The following SUPT3H variants were observed in gnomAD, a reference collection of about 807,000 sequenced individuals.
SUPT3H encodes the protein transcription initiation protein SPT3 homolog.
SUPT3H carries 44 observed loss-of-function variants against 44.3 expected under a neutral mutation model. The ratio of observed to expected loss-of-function variants is 0.99; its 90% CI spans 0.78 to 1.28. SUPT3H has a LOEUF of 1.28. Among genes scored for constraint, SUPT3H ranks in the 50% most tolerant of loss-of-function variants. The probability of loss-of-function intolerance (pLI) is 0.00; values close to 1 mark genes in which losing one functional copy is unlikely to be tolerated. For synonymous variants in SUPT3H, 124 were observed against 125.6 expected (o/e 0.99, Z 0.09); for missense variants, 380 against 387.1 (o/e 0.98, Z 0.15).
At chr6:45,183,105 T>A (rs1813573830) in intron 2 of SUPT3H, among the ~76,000 whole-genome samples, 1 of 152,218 alleles carries the variant, frequency 6.6e-6, no homozygotes. Context: ...ATAAACGAAA[T>A]GTGGTATATG....
At chr6:45,232,994 C>CG (rs2153641271) in intron 2 of SUPT3H, among the ~76,000 whole-genome samples, 1 of 152,230 alleles carries the variant, frequency 6.6e-6, no homozygotes, top group African/African-American at 2.4e-5. Flanking sequence ...ATAACTCTTA[C>CG]GGGGGGAAGA....
At chr6:45,248,896 A>G (rs1447979804) in intron 2 of SUPT3H, among the ~76,000 whole-genome samples, 1 of 150,020 alleles carries the variant, frequency 6.7e-6, no homozygotes, top group Admixed American at 6.7e-5. Flanking sequence ...GCCTGGTGAC[A>G]GAGCAAGACT....
At chr6:45,147,608 A>AC (rs1806289994) in intron 2 of SUPT3H, among the ~76,000 whole-genome samples, 1 of 152,024 alleles carries the variant, frequency 6.6e-6, no homozygotes, top group Non-Finnish European at 1.5e-5. Flanking sequence ...GACATTTCCA[A>AC]CAGCACAGAC....
At chr6:45,309,773 CAG>C in intron 2 of SUPT3H, among the ~76,000 whole-genome samples, 2 of 152,002 alleles carry the variant, frequency 1.3e-5, no homozygotes, top group Middle Eastern at 3.4e-3. Context: ...TCACATATAA[CAG>C]AGTTCAAATA....
intron 7 of SUPT3H, 130 bp downstream of exon 7, chr6:44,961,623 T>G: frequency 1.4e-6 from 1 of 693,490 alleles, no homozygotes; most frequent in East Asian, 2.7e-5. Context: ...AGACGTTGTT[T>G]GTATAGCACT....
chr6:45,179,352 G>T (rs1189748820), intron 2 of SUPT3H, among the ~76,000 whole-genome samples: 1 of 152,096 alleles, frequency 6.6e-6, no homozygotes, highest in Non-Finnish European at 1.5e-5. Flanking sequence ...AATAGAAAAA[G>T]AGGGAATCCT....
intron 2 of SUPT3H, among the ~76,000 whole-genome samples, chr6:45,126,569 A>G (rs1327797099): frequency 6.6e-6 from 1 of 152,196 alleles, no homozygotes; most frequent in Non-Finnish European, 1.5e-5. Context: ...AAAGTTCAGA[A>G]GGAATTTCCT....
At chr6:45,188,316 A>G (rs2153617147) in intron 2 of SUPT3H, among the ~76,000 whole-genome samples, 1 of 152,378 alleles carries the variant, frequency 6.6e-6, no homozygotes, top group South Asian at 2.1e-4. Context: ...ACGTATAGTA[A>G]GAACGAATCT....
intron 3 of SUPT3H, among the ~76,000 whole-genome samples, chr6:45,039,414 C>A (rs866532320): frequency 1.8e-4 from 28 of 152,002 alleles, no homozygotes; most frequent in South Asian, 4.1e-4. Context: ...ATTAAAAAAA[C>A]TGCTAGGATT....
At chr6:45,065,476 G>C (rs1044959217) in intron 3 of SUPT3H, among the ~76,000 whole-genome samples, 1 of 150,796 alleles carries the variant, frequency 6.6e-6, no homozygotes, top group Non-Finnish European at 1.5e-5. Context: ...AGAACTGAAG[G>C]AAATAGAGAC....
chr6:45,316,241 T>C (rs1169067815), intron 2 of SUPT3H, among the ~76,000 whole-genome samples: 1 of 152,032 alleles, frequency 6.6e-6, no homozygotes, highest in East Asian at 1.9e-4. Context: ...GCTCGGGTGA[T>C]GGGTGCACCA....
intron 2 of SUPT3H, among the ~76,000 whole-genome samples, chr6:45,233,366 G>C (rs1033780918): frequency 2.0e-5 from 3 of 152,210 alleles, no homozygotes; most frequent in African/African-American, 7.2e-5. Flanking sequence ...GCTCACGATG[G>C]TGCTCAGCTG....
intron 5 of SUPT3H, among the ~76,000 whole-genome samples, chr6:45,004,959 C>T (rs1298939759): frequency 1.3e-5 from 2 of 152,240 alleles, no homozygotes; most frequent in Non-Finnish European, 2.9e-5. Context: ...AACTTTGTTT[C>T]AGGTTTTTGC....
chr6:45,231,721 A>C (rs565139619), intron 2 of SUPT3H, among the ~76,000 whole-genome samples: 5 of 152,326 alleles, frequency 3.3e-5, no homozygotes, highest in Admixed American at 1.3e-4. Context: ...CTTCAGGGAT[A>C]CTAATAACTC....
intron 4 of SUPT3H, among the ~76,000 whole-genome samples, chr6:45,020,113 G>C (rs1036965396): frequency 1.3e-5 from 2 of 151,838 alleles, no homozygotes; most frequent in Non-Finnish European, 2.9e-5. Flanking sequence ...TTTTCAATAA[G>C]GTAGAGCTAC....
chr6:45,153,373 A>G (rs1411421896), intron 2 of SUPT3H, among the ~76,000 whole-genome samples: 1 of 152,198 alleles, frequency 6.6e-6, no homozygotes, highest in East Asian at 1.9e-4. Flanking sequence ...CTTAATAGGG[A>G]CAACAATAAT....
chr6:44,890,564 A>G (rs529534185), intron 10 of SUPT3H, among the ~76,000 whole-genome samples: 2 of 136,934 alleles, frequency 1.5e-5, no homozygotes, highest in South Asian at 5.2e-4. Flanking sequence ...AACAATGAGA[A>G]CACATGGACA....
At chr6:45,305,867 T>C (rs1358612398) in intron 2 of SUPT3H, among the ~76,000 whole-genome samples, 1 of 152,176 alleles carries the variant, frequency 6.6e-6, no homozygotes, top group African/African-American at 2.4e-5. Context: ...AGTGAGCAAC[T>C]TCATATTCCC....
At chr6:45,165,138 A>T (rs1404349849) in intron 2 of SUPT3H, among the ~76,000 whole-genome samples, 2 of 152,346 alleles carry the variant, frequency 1.3e-5, no homozygotes, top group East Asian at 3.9e-4. Context: ...GGGGAAGAGC[A>T]AGAGCACAGA....
Sources: gnomAD v4.1 joint callset for allele counts (sites outside exome capture counted in the v4.1 genomes callset) on GRCh38, gnomAD v4.1.1 for gene constraint, MANE v1.5 for transcripts, NCBI Gene and HGNC (gene_info 2026-07-23, HGNC 2026-07-21) for gene names.